The following LAMB4 variants were observed in gnomAD, a reference collection of about 807,000 sequenced individuals.
The protein encoded by LAMB4 is laminin subunit beta 4.
In LAMB4, 196 loss-of-function variants were observed where a neutral mutation model predicts 199.2. The ratio of observed to expected loss-of-function variants is 0.98; its 90% confidence interval spans 0.88 to 1.11. The LOEUF (loss-of-function observed/expected upper bound fraction) is 1.11. LAMB4 is among the 50% of genes least tolerant of loss of function. The pLI, the probability that LAMB4 is intolerant of heterozygous loss-of-function variation, is 0.00. For missense variants in LAMB4, 2,080 were observed against 2,171.2 expected (o/e 0.96, Z 0.83); for synonymous variants, 744 against 770.6 (o/e 0.97, Z 0.57).
chr7:108,062,938 C>A lies in LAMB4; in HGVS notation c.3118G>T (p.Ala1040Ser), dbSNP rs2036215298. Residue 1040 changes from alanine (A) to serine (S), a missense_variant, in exon 23 of 34, where the codon GCT becomes TCT. Transcript: ENST00000388781. ...CCAGTGACAGGGTCACAGAGGCAAGCTCCCCCACCAGGGGGACACTCCATG... is the reference window on the plus strand; with the variant it reads ...CCAGTGACAGGGTCACAGAGGCAAGATCCCCCACCAGGGGGACACTCCATG... ...SPMECPPGGG[A>S]CLCDPVTGAC... is the part of the protein sequence containing the mutation. The A allele has an allele frequency of 6.2e-7, 1 of 1,608,762 alleles. No individual in the cohort carries two copies. Among genetic ancestry groups the A allele is most frequent in the Non-Finnish European group, 8.5e-7 (1 of 1,177,900 alleles).
chr7:108,128,973 G>A (rs2038889132), intron 1 of LAMB4, among the ~76,000 whole-genome samples: 1 of 152,186 alleles, frequency 6.6e-6, no homozygotes, highest in African/African-American at 2.4e-5. Flanking sequence ...TTTAATGAAT[G>A]CTGCTAGATG....
chr7:108,113,196 A>G (rs1032507925), intron 3 of LAMB4, among the ~76,000 whole-genome samples: 1 of 152,074 alleles, frequency 6.6e-6, no homozygotes, highest in Non-Finnish European at 1.5e-5. Flanking sequence ...CCTGCTTTAT[A>G]TATTTCCTAA....
rs545235675 is a variant in LAMB4 at position 108,061,920 on chromosome 7, AT to A, written c.3282+853del. Among the ~76,000 whole-genome samples the A allele has an allele frequency of 3.0e-3, 461 of 152,158 alleles. 4 individuals carry two copies. Among genetic ancestry groups the A allele is most frequent in the Non-Finnish European group, 5.4e-3 (370 of 68,036 alleles). ...AATTGGAGGTGAGCCATGCTTACTA[AT>A]TGGAAAGACTCCAGTTTCTTAAATT... On this transcript the variant is annotated intron_variant, in intron 23 of 33. Coordinates refer to ENST00000388781, the MANE Select transcript of LAMB4 (RefSeq NM_007356.3).
At chr7:108,015,823 A>G in the LAMB4 span, among the ~76,000 whole-genome samples, 3 of 143,716 alleles carry the variant, frequency 2.1e-5, no homozygotes, top group Admixed American at 1.5e-4. Flanking sequence ...CTACAACTGT[A>G]TATTTGCTTA....
Position 108,068,044 on chromosome 7 carries a change from G to C in LAMB4, c.2418C>G (p.Ser806Arg). ...GRCCDRCSTG[S>R]YDLGHHGCHP... ...GACAGCCGTGATGCCCCAAATCATA[G>C]CTTCCAGTTGAGCACCTGTCACAGC... The change falls in exon 19 of 34, where the codon AGC becomes AGG. Residue 806 changes from serine (S) to arginine (R), a missense_variant. Ser to Arg is a moderately radical substitution (Grantham distance 110, BLOSUM62 -1). Transcript: ENST00000388781. 1 of 1,614,164 alleles carries C rather than the reference G, an allele frequency of 6.2e-7. No individual in the cohort carries two copies. The highest frequency in any genetic ancestry group is 1.1e-5 in the South Asian group (1 of 91,082).
intron 23 of LAMB4, among the ~76,000 whole-genome samples, chr7:108,061,566 C>T (rs954419962): frequency 1.3e-5 from 2 of 151,956 alleles, no homozygotes; most frequent in African/African-American, 4.8e-5. Context: ...TGGTGAAACC[C>T]TGTCTCTACT....
At chr7:108,129,063 ATTTAT>A (rs557008709) in intron 1 of LAMB4, among the ~76,000 whole-genome samples, 138 of 152,316 alleles carry the variant, frequency 9.1e-4, no homozygotes, top group Middle Eastern at 6.8e-3. Flanking sequence ...GGCATTGCTA[ATTTAT>A]TTAATTTACT....
At chr7:108,056,040 C>A in intron 24 of LAMB4, 33 bp from the exon 25 acceptor site, 2 of 1,558,480 alleles carry the variant, frequency 1.3e-6, no homozygotes, top group South Asian at 2.4e-5. Flanking sequence ...CAGAGAATGT[C>A]ACTGGGCCTT....
intron 18 of LAMB4, among the ~76,000 whole-genome samples, chr7:108,068,520 C>CTTA (rs1554435064): frequency 2.0e-5 from 3 of 151,902 alleles, no homozygotes; most frequent in South Asian, 2.1e-4. Context: ...ATACCTACTA[C>CTTA]TTTATTTTTT....
chr7:108,035,497 G>A (rs1471346569), intron 30 of LAMB4, among the ~76,000 whole-genome samples: 3 of 146,826 alleles, frequency 2.0e-5, no homozygotes, highest in Middle Eastern at 3.7e-3. Context: ...AGCTGAGATC[G>A]TGCCACTGCA....
chr7:108,019,363 T>C (rs1262891795), downstream of LAMB4, among the ~76,000 whole-genome samples: 1 of 151,970 alleles, frequency 6.6e-6, no homozygotes, highest in East Asian at 1.9e-4. Flanking sequence ...CTCTTCCACT[T>C]GAGAGAACCC....
intron 15 of LAMB4, among the ~76,000 whole-genome samples, chr7:108,078,881 C>T (rs1449352351): frequency 6.6e-6 from 1 of 152,108 alleles, no homozygotes; most frequent in Non-Finnish European, 1.5e-5. Context: ...AGAATTATGT[C>T]CTATCACACA....
intron 10 of LAMB4, among the ~76,000 whole-genome samples, chr7:108,102,393 A>C (rs1563094285): frequency 1.3e-5 from 2 of 152,206 alleles, no homozygotes; most frequent in Non-Finnish European, 2.9e-5. Flanking sequence ...CATGTGAAAG[A>C]GTGAAAAAAA....
intron 1 of LAMB4, among the ~76,000 whole-genome samples, chr7:108,129,401 C>T (rs1003501084): frequency 6.6e-6 from 1 of 152,176 alleles, no homozygotes; most frequent in African/African-American, 2.4e-5. Context: ...TATAAAGTGA[C>T]AGTTCTCAGA....
At chr7:108,070,691 T>C (rs1427904197) in intron 17 of LAMB4, among the ~76,000 whole-genome samples, 9 of 152,210 alleles carry the variant, frequency 5.9e-5, no homozygotes, top group Non-Finnish European at 1.3e-4. Flanking sequence ...TATATATTAA[T>C]TGGCTGTATG....
At chr7:108,104,341 G>T (rs1380787828) in intron 9 of LAMB4, among the ~76,000 whole-genome samples, 158 bp downstream of exon 9, 1 of 152,226 alleles carries the variant, frequency 6.6e-6, no homozygotes, top group Non-Finnish European at 1.5e-5. Flanking sequence ...ATTCTTCTAT[G>T]TGGGATAATT....
chr7:108,106,461 C>G (rs1284511191), intron 7 of LAMB4, 48 bp downstream of exon 7: 1 of 1,117,222 alleles, frequency 9.0e-7, no homozygotes, highest in Non-Finnish European at 1.3e-6. Flanking sequence ...ATATGCCAAA[C>G]ATGAAATTTT....
intron 24 of LAMB4, among the ~76,000 whole-genome samples, 196 bp downstream of exon 24, chr7:108,057,636 A>G (rs2036024574): frequency 6.6e-6 from 1 of 152,210 alleles, no homozygotes; most frequent in South Asian, 2.1e-4. Context: ...AATTTTTAAC[A>G]TAGGAGGAAA....
chr7:108,078,402 C>T, intron 15 of LAMB4, 86 bp from the exon 16 acceptor site: 1 of 858,210 alleles, frequency 1.2e-6, no homozygotes, highest in Non-Finnish European at 1.9e-6. Flanking sequence ...ATGGAAAGTG[C>T]ATGGACTTGA....
Sources: allele counts gnomAD v4.1 joint callset (sites outside exome capture counted in the v4.1 genomes callset), GRCh38; gene constraint gnomAD v4.1.1; transcripts MANE v1.5; gene names NCBI Gene and HGNC (gene_info 2026-07-23, HGNC 2026-07-21).